ADARB2: variants seen among roughly 807,000 people sequenced by gnomAD.
ADARB2 encodes the protein adenosine deaminase RNA specific B2 (inactive), also known as inactive double-stranded RNA-specific editase B2.
In ADARB2, 25 loss-of-function variants were observed where a neutral mutation model predicts 62.2. The ratio of observed to expected loss-of-function variants is 0.40; its 90% confidence interval spans 0.29 to 0.56. The LOEUF is 0.56. Ranked by LOEUF, ADARB2 falls within the 20% of genes least tolerant of loss-of-function variation. The pLI is 0.43. For synonymous variants in ADARB2, 572 were observed against 500.8 expected (o/e 1.14, Z -1.90); for missense variants, 1,071 against 1,077.4 (o/e 0.99, Z 0.08).
At chr10:1,448,997 C>A (rs1347292933) in intron 1 of ADARB2, among the ~76,000 whole-genome samples, 2 of 152,190 alleles carry the variant, frequency 1.3e-5, no homozygotes, top group African/African-American at 4.8e-5. Flanking sequence ...CCCATACACT[C>A]TGGAGAAGCG....
intron 6 of ADARB2, among the ~76,000 whole-genome samples, chr10:1,225,552 G>T (rs1347945139): frequency 6.6e-6 from 1 of 152,188 alleles, no homozygotes; most frequent in Non-Finnish European, 1.5e-5. Context: ...GCTGGTACCG[G>T]TTGTTCCTTT....
At position 1,247,598 on chromosome 10, in the gene ADARB2, G is replaced by A. The variant is rs533544497; in HGVS notation, c.1193-5299C>T. On this transcript the variant is annotated intron_variant, in intron 4 of 9. Coordinates refer to ENST00000381312, the MANE Select transcript of ADARB2 (RefSeq NM_018702.4). The stretch of plus-strand genomic sequence containing the variant: ...CATCTCTCCCCTCGGTGCCATGAGG[G>A]TGATGAGGCATCAGGCAGCATAGTG... Among the ~76,000 whole-genome samples, 3 of 152,316 alleles carry A rather than the reference G, an allele frequency of 2.0e-5. No homozygotes were observed. The South Asian group carries it at 6.2e-4, about 32-fold the overall frequency.
chr10:1,471,118 T>A (rs954320277), intron 1 of ADARB2, among the ~76,000 whole-genome samples: 1 of 152,130 alleles, frequency 6.6e-6, no homozygotes, highest in African/African-American at 2.4e-5. Flanking sequence ...GGCAACCTAC[T>A]GGAATGATCC....
intron 1 of ADARB2, among the ~76,000 whole-genome samples, chr10:1,610,839 CAA>C (rs751757780): frequency 1.1e-4 from 17 of 152,058 alleles, no homozygotes; most frequent in South Asian, 4.2e-4. Context: ...CATGCACACA[CAA>C]AGACTCGCAG....
chr10:1,360,589 T>G (rs1169103610), intron 3 of ADARB2, among the ~76,000 whole-genome samples: 1 of 152,208 alleles, frequency 6.6e-6, no homozygotes, highest in African/African-American at 2.4e-5. Flanking sequence ...TTTAATAAAC[T>G]GCTGAAGGTT....
chr10:1,539,696 G>A (rs2131966937), intron 1 of ADARB2, among the ~76,000 whole-genome samples: 1 of 152,296 alleles, frequency 6.6e-6, no homozygotes, highest in African/African-American at 2.4e-5. Context: ...TATTTACAGG[G>A]GCTGGATCAA....
chr10:1,258,117 T>C (rs1831096971), intron 4 of ADARB2, among the ~76,000 whole-genome samples: 1 of 152,190 alleles, frequency 6.6e-6, no homozygotes, highest in Non-Finnish European at 1.5e-5. Flanking sequence ...CCTAGCTCTC[T>C]CTTTTTCTCT....
chr10:1,234,724 G>C (rs562235115), intron 5 of ADARB2, among the ~76,000 whole-genome samples: 7 of 149,008 alleles, frequency 4.7e-5, no homozygotes, highest in South Asian at 4.3e-4. Flanking sequence ...TTACAGGTGC[G>C]AGCGACCATG....
At chr10:1,734,898 TA>T (rs1835281114) in intron 1 of ADARB2, among the ~76,000 whole-genome samples, 1 of 152,310 alleles carries the variant, frequency 6.6e-6, no homozygotes, top group East Asian at 1.9e-4. Flanking sequence ...TTTTATAAAA[TA>T]AAAAATATCA....
intron 1 of ADARB2, among the ~76,000 whole-genome samples, chr10:1,585,776 T>C (rs1428614134): frequency 6.6e-6 from 1 of 152,234 alleles, no homozygotes; most frequent in Non-Finnish European, 1.5e-5. Flanking sequence ...GTCTCACACC[T>C]GTAATCTCAG....
Position 1,182,934 on chromosome 10 carries a change from A to C in ADARB2, c.*259T>G. ...TGCCTGAATGGAGCCCCTCCCTCAG[A>C]CTCCACAGGAAGAGTCGGCGCTAAC... On this transcript the variant is annotated 3_prime_UTR_variant, in exon 10 of 10. Transcript: ENST00000381312. The C allele has an allele frequency of 2.3e-6, 1 of 441,104 alleles. No individual in the cohort carries two copies. Among genetic ancestry groups the C allele is most frequent in the Non-Finnish European group, 4.1e-6 (1 of 245,354 alleles). The allele number at this position is 441,104 out of a possible 1,614,324, so 27.3% of individuals were successfully genotyped here.
intron 1 of ADARB2, among the ~76,000 whole-genome samples, chr10:1,576,712 G>C (rs1161806701): frequency 6.6e-6 from 1 of 152,194 alleles, no homozygotes; most frequent in East Asian, 1.9e-4. Context: ...TGGAGCAGCT[G>C]TGTTTCCTGA....
At chr10:1,410,473 C>A (rs980389548) in intron 1 of ADARB2, among the ~76,000 whole-genome samples, 2 of 152,160 alleles carry the variant, frequency 1.3e-5, no homozygotes, top group Non-Finnish European at 2.9e-5. Context: ...AGCAAAATAA[C>A]AAAACAAGGA....
chr10:1,636,899 T>G (rs1370278557), intron 1 of ADARB2, among the ~76,000 whole-genome samples: 1 of 149,000 alleles, frequency 6.7e-6, no homozygotes, highest in Non-Finnish European at 1.5e-5. Context: ...GATATATATA[T>G]CTATTTCTAT....
chr10:1,464,292 A>C (rs11812334), intron 1 of ADARB2, among the ~76,000 whole-genome samples: 6 of 38,174 alleles, frequency 1.6e-4, no homozygotes, highest in African/African-American at 3.6e-4. Context: ...CGCGCTGGGG[A>C]CAGTCACAGC....
chr10:1,527,426 CTGA>C (rs3031682), intron 1 of ADARB2, among the ~76,000 whole-genome samples: 41,739 of 151,914 alleles, frequency 0.27, 6,534 homozygotes, highest in East Asian at 0.6. Context: ...AGCAAACTGC[CTGA>C]TGATATTTAA....
chr10:1,626,135 A>G (rs1833765247), intron 1 of ADARB2, among the ~76,000 whole-genome samples: 1 of 126,898 alleles, frequency 7.9e-6, no homozygotes, highest in South Asian at 2.7e-4. Context: ...ACGTCTGCCC[A>G]TGCTCTCTCC....
At chr10:1,667,074 C>A (rs1834325593) in intron 1 of ADARB2, among the ~76,000 whole-genome samples, 2 of 152,186 alleles carry the variant, frequency 1.3e-5, no homozygotes. Context: ...TGTCTTTGCA[C>A]TTACAGTAAG....
chr10:1,425,039 G>A (rs547684388), intron 1 of ADARB2, among the ~76,000 whole-genome samples: 31 of 152,314 alleles, frequency 2.0e-4, no homozygotes, highest in African/African-American at 2.6e-4. Flanking sequence ...TCTAACGCAC[G>A]TCCTGGGGTG....
Sources: gnomAD v4.1 joint callset for allele counts (sites outside exome capture counted in the v4.1 genomes callset) on GRCh38, gnomAD v4.1.1 for gene constraint, MANE v1.5 for transcripts, NCBI Gene and HGNC (gene_info 2026-07-23, HGNC 2026-07-21) for gene names.